UBR4: variants seen among roughly 807,000 people sequenced by gnomAD.
The protein encoded by UBR4 is E3 ubiquitin-protein ligase UBR4.
A neutral mutation model predicts 575.6 loss-of-function variants in UBR4; 124 were observed. The ratio of observed to expected loss-of-function variants is 0.22; its 90% CI spans 0.19 to 0.25. The LOEUF (loss-of-function observed/expected upper bound fraction) is 0.25, where lower values mean the gene tolerates loss of function less well. UBR4 is among the 10% of genes least tolerant of loss of function. The pLI, the probability that UBR4 is intolerant of heterozygous loss-of-function variation, is 1.00. For synonymous variants in UBR4, 2,455 were observed against 2,473.7 expected, an observed-to-expected ratio of 0.99 and a Z score of 0.22; for missense variants, 4,818 against 6,478.8, an observed-to-expected ratio of 0.74 and a Z score of 8.80.
Position 19,173,266 on chromosome 1 carries a change from C to G in UBR4, c.3206G>C (p.Ser1069Thr). The change falls in exon 24 of 106, where the codon AGC (serine) becomes ACC (threonine). Residue 1069 changes from serine (S) to threonine (T), a missense_variant. Coordinates refer to ENST00000375254, the MANE Select transcript of UBR4 (RefSeq NM_020765.3). Reference sequence around the variant, plus strand: ...GGTGGATGCCAGTTCTAGAAGCGAGCTAGCATGCTCAGCCTTCATTCCCTG... The same window carrying G: ...GGTGGATGCCAGTTCTAGAAGCGAGGTAGCATGCTCAGCCTTCATTCCCTG... ...IKQGMKAEHA[S>T]SLLELASTTK... 1 of 1,614,200 alleles carries G rather than the reference C, an allele frequency of 6.2e-7. No homozygotes were observed. Among genetic ancestry groups the G allele is most frequent in the South Asian group, 1.1e-5 (1 of 91,082 alleles).
intron 84 of UBR4, among the ~76,000 whole-genome samples, 174 bp from the exon 85 acceptor site, chr1:19,105,363 C>T (rs867173950): frequency 6.6e-6 from 1 of 152,160 alleles, no homozygotes; most frequent in Non-Finnish European, 1.5e-5. Flanking sequence ...GGGAATTTCC[C>T]ACATCTAGGA....
At chr1:19,126,233 T>C (rs1000546039) in intron 64 of UBR4, among the ~76,000 whole-genome samples, 1 of 152,170 alleles carries the variant, frequency 6.6e-6, no homozygotes, top group Non-Finnish European at 1.5e-5. Context: ...ATTCAATTCC[T>C]CCAATTTACA....
intron 81 of UBR4, among the ~76,000 whole-genome samples, chr1:19,109,044 G>A (rs1413196614): frequency 6.6e-6 from 1 of 152,196 alleles, no homozygotes; most frequent in Non-Finnish European, 1.5e-5. Flanking sequence ...GAAGCAGAGT[G>A]CCCCGTGCTG....
chr1:19,158,645 T>C (rs1487060717), intron 39 of UBR4, among the ~76,000 whole-genome samples: 1 of 151,898 alleles, frequency 6.6e-6, no homozygotes. Context: ...ATATTTTTTA[T>C]AGAGACAGGG....
Position 19,187,830 on chromosome 1 carries a change from G to A in UBR4, c.1395-290C>T, listed in dbSNP as rs118165588. Among the ~76,000 whole-genome samples the A allele has an allele frequency of 8.7e-4, 132 of 152,074 alleles. 2 individuals are homozygous for A. The East Asian group carries it at 0.02, about 23-fold the overall frequency. ...TAAATCCCAACACTTTTGAGAGGCC[G>A]AGATGAGAGGATCACTTATGCCCAG... On this transcript the variant is annotated intron_variant, in intron 11 of 105. Coordinates refer to ENST00000375254, the MANE Select transcript of UBR4 (RefSeq NM_020765.3).
At chr1:19,085,630 T>A (rs1570246980) in intron 101 of UBR4, among the ~76,000 whole-genome samples, 1 of 152,164 alleles carries the variant, frequency 6.6e-6, no homozygotes, top group East Asian at 1.9e-4. Flanking sequence ...AAATAGGACT[T>A]GGGGTGGGGC....
Position 19,076,471 on chromosome 1 carries a change from C to A in UBR4, c.15487+269G>T, listed in dbSNP as rs1469980878. On this transcript the variant is annotated intron_variant, in intron 105 of 105. Transcript: ENST00000375254. Reference sequence around the variant, plus strand: ...ATGGGGATAACCAAAGCTCCTGCCTCATATAGGGCTGCCTCGAGGGCTGAG... The same window carrying A: ...ATGGGGATAACCAAAGCTCCTGCCTAATATAGGGCTGCCTCGAGGGCTGAG... Among the ~76,000 whole-genome samples the A allele has an allele frequency of 2.0e-5, 3 of 152,236 alleles. No homozygotes were observed. In the East Asian group the frequency reaches 5.8e-4, roughly 29 times the overall value.
Position 19,172,979 on chromosome 1 carries a change from C to T in UBR4, c.3406G>A (p.Asp1136Asn). ...GCAGCCATCTTAGAAAAATGCTCAT[C>T]CAAAGAGACCTGGACCTTTGAGATC... ...AAISKVQVSLDEHFSKMAAET... is the reference protein window; with the variant it reads ...AAISKVQVSLNEHFSKMAAET... The change falls in exon 25 of 106, where the codon GAT (aspartate) becomes AAT (asparagine). Residue 1136 changes from aspartate to asparagine, a missense_variant. Asp to Asn is a conservative substitution (Grantham distance 23, BLOSUM62 1). Around this residue, in one of 29 missense-constraint regions of UBR4, gnomAD observed 1,172 missense variants for 1,259.7 expected, o/e 0.93. Transcript: ENST00000375254. The T allele has an allele frequency of 6.2e-7, 1 of 1,614,122 alleles. No individual in the cohort carries two copies. The highest frequency in any genetic ancestry group is 8.5e-7 in the Non-Finnish European group (1 of 1,180,028).
chr1:19,140,055 G>A (rs911639143), intron 58 of UBR4, among the ~76,000 whole-genome samples: 2 of 152,006 alleles, frequency 1.3e-5, no homozygotes, highest in African/African-American at 4.8e-5. Flanking sequence ...GGGGCCAGCC[G>A]CTCTCTCCCT....
At chr1:19,200,360 T>C (rs1209390547) in intron 2 of UBR4, among the ~76,000 whole-genome samples, 2 of 152,136 alleles carry the variant, frequency 1.3e-5, no homozygotes, top group Non-Finnish European at 2.9e-5. Context: ...CACATGGTCC[T>C]CAGGCTGTGG....
intron 11 of UBR4, among the ~76,000 whole-genome samples, chr1:19,188,765 C>T (rs1379168942): frequency 1.3e-5 from 2 of 152,074 alleles, no homozygotes; most frequent in Non-Finnish European, 2.9e-5. Flanking sequence ...GCCAAGAGTG[C>T]AAGACCAGCC....
intron 51 of UBR4, 87 bp from the exon 52 acceptor site, chr1:19,147,087 A>G: frequency 7.0e-7 from 1 of 1,432,768 alleles, no homozygotes; most frequent in East Asian, 2.4e-5. Context: ...GCAGATCACC[A>G]GGATTATTAC....
At chr1:19,156,643 C>T in intron 41 of UBR4, 124 bp downstream of exon 41, 2 of 1,416,362 alleles carry the variant, frequency 1.4e-6, no homozygotes, top group South Asian at 1.4e-5. Context: ...ATTCCTTTTG[C>T]ATTTCAGTAG....
chr1:19,163,659 C>T, intron 34 of UBR4, 105 bp downstream of exon 34: 1 of 1,222,920 alleles, frequency 8.2e-7, no homozygotes, highest in Non-Finnish European at 1.2e-6. Flanking sequence ...CCTTGGTAGG[C>T]TAGCCAGGCA....
intron 66 of UBR4, 104 bp from the exon 67 acceptor site, chr1:19,122,116 T>A: frequency 9.3e-7 from 1 of 1,079,126 alleles, no homozygotes; most frequent in Non-Finnish European, 1.4e-6. Flanking sequence ...GGACTACACC[T>A]GAACATGATC....
chr1:19,144,815 T>C lies in UBR4; in HGVS notation c.8038A>G (p.Lys2680Glu). 1.2e-6 allele frequency: 2 copies of C among 1,613,566 alleles called. No individual in the cohort carries two copies. The highest frequency in any genetic ancestry group is 2.2e-5 in the East Asian group (1 of 44,848). The stretch of plus-strand genomic sequence containing the variant: ...CACAAGAGCATCTGCATGTAGATCT[T>C]GGATGCTGTGTTAATACAATCCAGC... ...CELDCINTAS[K>E]IYMQMLLCPD... The change falls in exon 54 of 106, where the codon AAG becomes GAG. Residue 2680 changes from lysine to glutamate, a missense_variant. Physicochemically the swap from Lys to Glu is moderately conservative, Grantham distance 56 (BLOSUM62 1). Coordinates refer to ENST00000375254, the MANE Select transcript of UBR4 (RefSeq NM_020765.3).
At position 19,141,659 on chromosome 1, in the gene UBR4, A is replaced by G. The variant is rs773388900; in HGVS notation, c.8298T>C (p.Asp2766=). Residue 2766 remains aspartate, a synonymous_variant, in exon 56 of 106, where the codon GAT becomes GAC. Coordinates refer to ENST00000375254, the MANE Select transcript of UBR4 (RefSeq NM_020765.3). ...SQEQSEVDHG[D]FEMVSESMVL... ...GCCAGAGACTCACCACCATCTCAAAATCTCCATGGTCCACCTCACTCTGTT... is the reference window on the plus strand; with the variant it reads ...GCCAGAGACTCACCACCATCTCAAAGTCTCCATGGTCCACCTCACTCTGTT... 1 of 1,613,954 alleles carries G rather than the reference A, an allele frequency of 6.2e-7. No homozygotes were observed. The highest frequency in any genetic ancestry group is 2.2e-5 in the East Asian group (1 of 44,868).
At chr1:19,090,646 C>T (rs1033853056) in intron 97 of UBR4, among the ~76,000 whole-genome samples, 2 of 152,152 alleles carry the variant, frequency 1.3e-5, no homozygotes, top group African/African-American at 4.8e-5. Flanking sequence ...AAGCTCCCAA[C>T]AGGCACAGGC....
At chr1:19,203,588 A>T (rs1379086440) in intron 1 of UBR4, among the ~76,000 whole-genome samples, 1 of 152,188 alleles carries the variant, frequency 6.6e-6, no homozygotes, top group Non-Finnish European at 1.5e-5. Context: ...CTGCCTGCCA[A>T]ATGAACACAG....
Sources: allele counts gnomAD v4.1 joint callset (sites outside exome capture counted in the v4.1 genomes callset), GRCh38; gene constraint gnomAD v4.1.1; regional missense constraint gnomAD v4.1.1; transcripts MANE v1.5; gene names NCBI Gene and HGNC (gene_info 2026-07-23, HGNC 2026-07-21).